CA5A: variants seen among roughly 807,000 people sequenced by gnomAD.
The protein encoded by CA5A is carbonic anhydrase 5A, mitochondrial.
CA5A carries 28 observed loss-of-function variants against 37.1 expected under a neutral mutation model. The observed-to-expected ratio is 0.75, with a 90% confidence interval of 0.56 to 1.03. CA5A has a LOEUF of 1.03. Ranked by LOEUF, CA5A falls within the 50% of genes least tolerant of loss-of-function variation. CA5A has a pLI of 0.00. For synonymous variants in CA5A, 171 were observed against 158.4 expected, an observed-to-expected ratio of 1.08 and a Z score of -0.60; for missense variants, 444 against 399.9, an observed-to-expected ratio of 1.11 and a Z score of -0.94.
intron 2 of CA5A, among the ~76,000 whole-genome samples, chr16:87,909,328 C>A (rs1312692725): frequency 6.6e-6 from 1 of 152,162 alleles, no homozygotes; most frequent in African/African-American, 2.4e-5. Context: ...TTGCTTGAAA[C>A]GGCGGCCACC....
Position 87,902,210 on chromosome 16 carries a change from TG to T in CA5A, c.555+214del, listed in dbSNP as rs569476128. ...CTCTACTAAAAATACAAAAATTAGC[TG>T]GGTGTGGTGGCACACTCCTATAGTC... On this transcript the variant is annotated intron_variant, in intron 4 of 6. Transcript: ENST00000649794. Among the ~76,000 whole-genome samples the T allele has an allele frequency of 1.9e-3, 295 of 152,050 alleles. 2 individuals carry two copies. Among genetic ancestry groups the T allele is most frequent in the Non-Finnish European group, 3.3e-3 (223 of 67,968 alleles).
chr16:87,922,813 C>A (rs2056248959), intron 2 of CA5A, among the ~76,000 whole-genome samples: 2 of 152,248 alleles, frequency 1.3e-5, no homozygotes, highest in Non-Finnish European at 1.5e-5. Flanking sequence ...GATGCAGATT[C>A]TTTCTCTAAA....
intron 2 of CA5A, among the ~76,000 whole-genome samples, chr16:87,926,111 TACTC>T (rs1435974358): frequency 6.6e-6 from 1 of 152,078 alleles, no homozygotes; most frequent in African/African-American, 2.4e-5. Context: ...TAATCCCAGT[TACTC>T]AGGCTGAGGC....
chr16:87,924,950 A>G (rs866937585), intron 2 of CA5A, among the ~76,000 whole-genome samples: 10 of 152,324 alleles, frequency 6.6e-5, no homozygotes, highest in South Asian at 4.1e-4. Context: ...TCTCTCCCCA[A>G]TCACAGAGGA....
intron 1 of CA5A, among the ~76,000 whole-genome samples, chr16:87,928,210 C>T (rs953542187): frequency 6.6e-6 from 1 of 152,152 alleles, no homozygotes; most frequent in African/African-American, 2.4e-5. Context: ...CACTGTGCCA[C>T]CCAGGCTGGA....
At chr16:87,897,918 C>G (rs990221967) in intron 5 of CA5A, among the ~76,000 whole-genome samples, 2 of 152,168 alleles carry the variant, frequency 1.3e-5, no homozygotes, top group African/African-American at 4.8e-5. Flanking sequence ...GGGTGATGTC[C>G]CCTTGCCCTG....
intron 1 of CA5A, among the ~76,000 whole-genome samples, chr16:87,930,941 G>T (rs1210152813): frequency 1.3e-5 from 2 of 150,528 alleles, no homozygotes; most frequent in Admixed American, 6.6e-5. Context: ...GGGTTTCACC[G>T]TGTTGGCTAG....
intron 5 of CA5A, chr16:87,893,351 T>A: frequency 7.6e-6 from 3 of 396,514 alleles, no homozygotes; most frequent in Non-Finnish European, 9.8e-6. Flanking sequence ...ATGGTCTCGA[T>A]CTCCTGACCT....
At chr16:87,914,564 C>A (rs1340138346) in intron 2 of CA5A, among the ~76,000 whole-genome samples, 1 of 152,138 alleles carries the variant, frequency 6.6e-6, no homozygotes, top group East Asian at 1.9e-4. Flanking sequence ...ACAGCTAGAG[C>A]CACTCACTGG....
At chr16:87,934,807 G>A (rs1189616139) in intron 1 of CA5A, among the ~76,000 whole-genome samples, 4 of 151,882 alleles carry the variant, frequency 2.6e-5, no homozygotes, top group Non-Finnish European at 5.9e-5. Context: ...TAAAAATACA[G>A]AAATTAGTTG....
chr16:87,904,527 G>A (rs1393086443), intron 3 of CA5A, among the ~76,000 whole-genome samples: 1 of 152,206 alleles, frequency 6.6e-6, no homozygotes, highest in Non-Finnish European at 1.5e-5. Flanking sequence ...CCGGCTGTCT[G>A]GCTTTGGCAA....
intron 5 of CA5A, chr16:87,892,176 T>G (rs1341974929): frequency 2.2e-6 from 1 of 457,388 alleles, no homozygotes; most frequent in Non-Finnish European, 3.8e-6. Flanking sequence ...GGAATTACGT[T>G]ACATTACACC....
chr16:87,907,248 C>T (rs2055976317), intron 2 of CA5A, among the ~76,000 whole-genome samples: 2 of 152,066 alleles, frequency 1.3e-5, no homozygotes, highest in South Asian at 4.2e-4. Context: ...AGCCACCGTG[C>T]CTGGCCTCCA....
At chr16:87,898,432 A>G (rs2055832610) in intron 5 of CA5A, among the ~76,000 whole-genome samples, 1 of 152,234 alleles carries the variant, frequency 6.6e-6, no homozygotes, top group Non-Finnish European at 1.5e-5. Flanking sequence ...CCACACTTCT[A>G]GCATTTTCCA....
At chr16:87,903,325 G>T (rs1330919312) in intron 3 of CA5A, among the ~76,000 whole-genome samples, 1 of 152,146 alleles carries the variant, frequency 6.6e-6, no homozygotes, top group Non-Finnish European at 1.5e-5. Context: ...CAGCTACTCA[G>T]AAGGCTGAGG....
At chr16:87,925,987 C>T (rs1356396194) in intron 2 of CA5A, among the ~76,000 whole-genome samples, 4 of 152,202 alleles carry the variant, frequency 2.6e-5, no homozygotes, top group South Asian at 2.1e-4. Flanking sequence ...CTTTGGGAGG[C>T]CAAGGTGGGC....
At chr16:87,895,956 G>A (rs2055796206) in intron 5 of CA5A, among the ~76,000 whole-genome samples, 1 of 152,110 alleles carries the variant, frequency 6.6e-6, no homozygotes, top group Non-Finnish European at 1.5e-5. Flanking sequence ...GTGGGTAACA[G>A]GCGGGTGTGC....
intron 2 of CA5A, among the ~76,000 whole-genome samples, chr16:87,917,463 G>A (rs2056162676): frequency 6.6e-6 from 1 of 152,234 alleles, no homozygotes; most frequent in African/African-American, 2.4e-5. Context: ...GGACCAGAAA[G>A]CAGAGAAAAT....
chr16:87,924,037 A>C, intron 2 of CA5A: 1 of 985,436 alleles, frequency 1.0e-6, no homozygotes. Context: ...GAACAGACCA[A>C]CAAGGGGAGA....
Sources: allele counts gnomAD v4.1 joint callset (sites outside exome capture counted in the v4.1 genomes callset), GRCh38; gene constraint gnomAD v4.1.1; transcripts MANE v1.5; gene names NCBI Gene and HGNC (gene_info 2026-07-23, HGNC 2026-07-21).